SNTB1: variants seen among roughly 807,000 people sequenced by gnomAD.
SNTB1 encodes the protein syntrophin beta 1.
In SNTB1, 36 loss-of-function variants were observed where a neutral mutation model predicts 48.9. That is an observed-to-expected ratio of 0.74 (90% confidence interval 0.56 to 0.97). The LOEUF is 0.97. SNTB1 is among the 50% of genes least tolerant of loss of function. SNTB1 has a pLI of 0.00. For synonymous variants in SNTB1, 299 were observed against 294.6 expected, an observed-to-expected ratio of 1.01 and a Z score of -0.15; for missense variants, 786 against 703.4, an observed-to-expected ratio of 1.12 and a Z score of -1.33.
chr8:120,738,371 T>G (rs1818983938), intron 1 of SNTB1, among the ~76,000 whole-genome samples: 1 of 152,222 alleles, frequency 6.6e-6, no homozygotes, highest in Non-Finnish European at 1.5e-5. Context: ...GCTTCTAAAG[T>G]ACTCTTTGGA....
At chr8:120,675,525 G>A (rs887601717) in intron 2 of SNTB1, among the ~76,000 whole-genome samples, 6 of 152,196 alleles carry the variant, frequency 3.9e-5, no homozygotes, top group African/African-American at 1.4e-4. Flanking sequence ...CCAGGCTAAA[G>A]GGAAGCTCTG....
chr8:120,811,608 G>C lies in SNTB1; in HGVS notation c.236C>G (p.Ala79Gly). Residue 79 changes from alanine to glycine, a missense_variant, in exon 1 of 7, where the codon GCG becomes GGG. Coordinates refer to ENST00000517992, the MANE Select transcript of SNTB1 (RefSeq NM_021021.4). ...CRGAGAGHPG[A>G]GGAQPPDSPA... ...CGAGTCCGGGGGCTGCGCGCCGCCC[G>C]CGCCCGGGTGCCCAGCCCCGGCGCC... is the stretch of plus-strand genomic sequence containing the variant. 6.3e-7 allele frequency: 1 copy of C among 1,580,922 alleles called. No individual in the cohort carries two copies. The highest frequency in any genetic ancestry group is 8.6e-7 in the Non-Finnish European group (1 of 1,167,798).
chr8:120,647,322 T>C (rs1817314920), intron 2 of SNTB1, among the ~76,000 whole-genome samples: 1 of 146,340 alleles, frequency 6.8e-6, no homozygotes, highest in Non-Finnish European at 1.5e-5. Flanking sequence ...AATTTCCCTC[T>C]ACACACTGCT....
intron 1 of SNTB1, among the ~76,000 whole-genome samples, chr8:120,773,932 G>C (rs1819684530): frequency 1.3e-5 from 2 of 152,192 alleles, no homozygotes; most frequent in Non-Finnish European, 2.9e-5. Context: ...TGTAAAATTT[G>C]CTATAGAAAG....
At chr8:120,763,741 A>G (rs984836620) in intron 1 of SNTB1, among the ~76,000 whole-genome samples, 2 of 151,604 alleles carry the variant, frequency 1.3e-5, no homozygotes, top group Non-Finnish European at 1.5e-5. Context: ...ATATAAATAG[A>G]AATTTTTTTT....
rs182403969 is a variant in SNTB1, at chr8:120,536,321, T to C, written c.*2556A>G. ...GGGACAAACATTGTAAATTTAATAATTCATGGGATTGAGCACAGAGCAAAT... is the reference window on the plus strand; with the variant it reads ...GGGACAAACATTGTAAATTTAATAACTCATGGGATTGAGCACAGAGCAAAT... On this transcript the variant is annotated 3_prime_UTR_variant, in exon 7 of 7. Coordinates refer to ENST00000517992, the MANE Select transcript of SNTB1 (RefSeq NM_021021.4). 8 of 152,316 alleles carry C rather than the reference T, an allele frequency of 5.3e-5. No individual in the cohort carries two copies. The highest frequency in any genetic ancestry group is 5.2e-4 in the Admixed American group (8 of 15,300). The allele number at this position is 152,316 out of a possible 1,614,324, so 9.4% of individuals were successfully genotyped here. A position where few individuals can be genotyped will look rare whatever the true frequency, so the allele number is the denominator to read the frequency against.
chr8:120,569,017 TG>T (rs1256842245), intron 4 of SNTB1, among the ~76,000 whole-genome samples: 1 of 152,236 alleles, frequency 6.6e-6, no homozygotes, highest in Non-Finnish European at 1.5e-5. Flanking sequence ...AGTCTTGCTC[TG>T]TTGCCCAGGC....
At chr8:120,642,472 C>T (rs1477019297) in intron 2 of SNTB1, among the ~76,000 whole-genome samples, 4 of 152,176 alleles carry the variant, frequency 2.6e-5, no homozygotes, top group African/African-American at 9.7e-5. Context: ...TTGAAGACCA[C>T]CACAGGCCTC....
intron 1 of SNTB1, among the ~76,000 whole-genome samples, chr8:120,760,325 A>T (rs1819396810): frequency 6.6e-6 from 1 of 151,868 alleles, no homozygotes; most frequent in Non-Finnish European, 1.5e-5. Context: ...CCTGAAAATC[A>T]ACAATTCTTA....
chr8:120,791,009 G>A (rs1820021457), intron 1 of SNTB1, among the ~76,000 whole-genome samples: 1 of 151,438 alleles, frequency 6.6e-6, no homozygotes, highest in Non-Finnish European at 1.5e-5. Context: ...ATAGTATATA[G>A]TACTATATAC....
At chr8:120,692,751 C>T (rs923340038) in intron 2 of SNTB1, among the ~76,000 whole-genome samples, 3 of 152,106 alleles carry the variant, frequency 2.0e-5, no homozygotes, top group Non-Finnish European at 4.4e-5. Context: ...TCTCATCTAA[C>T]CCTCCAAGTA....
Position 120,538,738 on chromosome 8 carries a change from G to C in SNTB1, c.*139C>G, listed in dbSNP as rs1815237003. On this transcript the variant is annotated 3_prime_UTR_variant, in exon 7 of 7. Transcript: ENST00000517992. ...GAAACTGACAGAGGAGTCTGGGACA[G>C]TTACATACGACTCTTGAGAGCTAAA... is the stretch of plus-strand genomic sequence containing the variant. 5.3e-6 allele frequency: 4 copies of C among 756,192 alleles called. No homozygotes were observed. In the East Asian group the frequency reaches 1.0e-4, roughly 20 times the overall value. The allele number at this position is 756,192 out of a possible 1,614,324, so 46.8% of individuals were successfully genotyped here. A position where few individuals can be genotyped will look rare whatever the true frequency, so the allele number is the denominator to read the frequency against.
At position 120,722,671 on chromosome 8, in the gene SNTB1, A is replaced by G. The variant is rs1423874715; in HGVS notation, c.572-28763T>C. ...TTTGTCAGATGAGTAGATTGCAAAAATTTTCTCCCATTCTGTAGGTTACCT... is the reference window on the plus strand; with the variant it reads ...TTTGTCAGATGAGTAGATTGCAAAAGTTTTCTCCCATTCTGTAGGTTACCT... On this transcript the variant is annotated intron_variant, in intron 1 of 6. Transcript: ENST00000517992. Among the ~76,000 whole-genome samples, 7 of 152,032 alleles carry G rather than the reference A, an allele frequency of 4.6e-5. No homozygotes were observed. In the South Asian group the frequency reaches 1.2e-3, roughly 27 times the overall value.
intron 1 of SNTB1, among the ~76,000 whole-genome samples, chr8:120,712,868 C>T (rs116179885): frequency 6.8e-4 from 104 of 152,218 alleles, no homozygotes; most frequent in African/African-American, 2.4e-3. Context: ...AGTGGCAGAG[C>T]GGGAATCTGA....
chr8:120,770,372 G>C (rs1819600336), intron 1 of SNTB1, among the ~76,000 whole-genome samples: 1 of 150,872 alleles, frequency 6.6e-6, no homozygotes, highest in Non-Finnish European at 1.5e-5. Context: ...CTCTCCTTAA[G>C]ATATGAGCTA....
chr8:120,645,838 C>A (rs12334984), intron 2 of SNTB1, among the ~76,000 whole-genome samples: 15,577 of 48,218 alleles, frequency 0.32, 2,879 homozygotes, highest in Middle Eastern at 0.43. Context: ...CTTTTATTTC[C>A]TTGAGCAGTG....
At chr8:120,669,170 CAG>C (rs2129776923) in intron 2 of SNTB1, among the ~76,000 whole-genome samples, 1 of 152,322 alleles carries the variant, frequency 6.6e-6, no homozygotes, top group South Asian at 2.1e-4. Context: ...GGATCTGAGC[CAG>C]AGTGGGCGCT....
intron 2 of SNTB1, among the ~76,000 whole-genome samples, chr8:120,689,395 G>C (rs1374126797): frequency 6.6e-6 from 1 of 152,092 alleles, no homozygotes; most frequent in African/African-American, 2.4e-5. Context: ...TCAGAAATTG[G>C]GCTTGGGGTC....
chr8:120,549,579 TACC>T (rs1815444067), intron 4 of SNTB1, among the ~76,000 whole-genome samples: 1 of 152,252 alleles, frequency 6.6e-6, no homozygotes, highest in African/African-American at 2.4e-5. Context: ...GAGAGATTTT[TACC>T]ACACAAGATT....
Sources: gnomAD v4.1 joint callset for allele counts (sites outside exome capture counted in the v4.1 genomes callset) on GRCh38, gnomAD v4.1.1 for gene constraint, MANE v1.5 for transcripts, NCBI Gene and HGNC (gene_info 2026-07-23, HGNC 2026-07-21) for gene names.